Variants in CHD6 observed in about 807,000 individuals in gnomAD.
CHD6 encodes ATP-dependent chromatin remodeler CHD6.
CHD6 carries 50 observed loss-of-function variants against 276.9 expected under a neutral mutation model. The ratio of observed to expected loss-of-function variants is 0.18; its 90% CI spans 0.14 to 0.23. CHD6 has a LOEUF of 0.23. Ranked by LOEUF, CHD6 falls within the 10% of genes least tolerant of loss-of-function variation. The pLI, the probability that CHD6 is intolerant of heterozygous loss-of-function variation, is 1.00. For missense variants in CHD6, 2,564 were observed against 3,365.8 expected (o/e 0.76, Z 5.89); for synonymous variants, 1,173 against 1,229.3 (o/e 0.95, Z 0.96).
chr20:41,531,009 A>G (rs2044672126), intron 3 of CHD6, among the ~76,000 whole-genome samples: 1 of 152,182 alleles, frequency 6.6e-6, no homozygotes, highest in Admixed American at 6.5e-5. Flanking sequence ...AAGACTGTAC[A>G]TTTTCACTAG....
At chr20:41,585,507 T>C (rs1228710552) in intron 1 of CHD6, among the ~76,000 whole-genome samples, 6 of 94,944 alleles carry the variant, frequency 6.3e-5, no homozygotes, top group Non-Finnish European at 9.2e-5. Flanking sequence ...AAACTCCGTC[T>C]CACCAAAAAA....
intron 6 of CHD6, among the ~76,000 whole-genome samples, chr20:41,498,807 ATGTATG>A (rs1332724813): frequency 0.033 from 3,916 of 117,482 alleles, 62 homozygotes; most frequent in Admixed American, 0.052. Flanking sequence ...GTATGTATGT[ATGTATG>A]TGTGTGTGTG....
At position 41,457,275 on chromosome 20, in the gene CHD6, C is replaced by T. The variant is rs754593038; in HGVS notation, c.2818G>A (p.Gly940Ser). The stretch of plus-strand genomic sequence containing the variant: ...CCCATCACACTCACCCCATTGGTGC[C>T]GCCCTTTCGGTTGATGTCCTGAAGA... ...AVLQDINRKG[G>S]TNGVQQLSKM... The change falls in exon 18 of 37, where the codon GGC (glycine) becomes AGC (serine). Residue 940 changes from glycine to serine, a missense_variant. This residue lies in a region of CHD6 where 457 missense variants were observed against 889.0 expected (regional missense o/e 0.51). Transcript: ENST00000373233. 64 of 1,613,504 alleles carry T rather than the reference C, an allele frequency of 4.0e-5. No homozygotes were observed. The highest frequency in any genetic ancestry group is 2.8e-4 in the African/African-American group (21 of 74,918).
At position 41,527,581 on chromosome 20, in the gene CHD6, A is replaced by G. The variant is rs1203042927; in HGVS notation, c.554+5469T>C. ...GCTTCATACACAACTGAAATGGATC[A>G]TCTTTCCTGCTCACTCGGCTGTGCC... On this transcript the variant is annotated intron_variant, in intron 3 of 36. Transcript: ENST00000373233. 2.0e-5 allele frequency among the ~76,000 whole-genome samples: 3 copies of G among 152,322 alleles called. No individual in the cohort carries two copies. The East Asian group carries it at 5.8e-4, about 29-fold the overall frequency.
chr20:41,445,607 A>G, intron 25 of CHD6, 58 bp downstream of exon 25: 1 of 1,126,286 alleles, frequency 8.9e-7, no homozygotes, highest in East Asian at 2.4e-5. Flanking sequence ...GAGGGGCTGA[A>G]CTCATCCTTC....
At chr20:41,447,256 G>A (rs2048098179) in intron 24 of CHD6, among the ~76,000 whole-genome samples, 1 of 152,076 alleles carries the variant, frequency 6.6e-6, no homozygotes, top group South Asian at 2.1e-4. Context: ...CAGCACTCTT[G>A]GTATTCTGTA....
At chr20:41,484,317 C>G (rs1444118762) in intron 15 of CHD6, 35 bp downstream of exon 15, 1 of 1,611,312 alleles carries the variant, frequency 6.2e-7, no homozygotes, top group Non-Finnish European at 8.5e-7. Flanking sequence ...GAGGTCATGG[C>G]AGTCCTGAGT....
intron 1 of CHD6, among the ~76,000 whole-genome samples, chr20:41,569,116 TCTC>T (rs764238899): frequency 9.2e-5 from 14 of 152,092 alleles, no homozygotes; most frequent in Non-Finnish European, 1.9e-4. Context: ...TGGAAAAAGT[TCTC>T]CTTGCAAAAG....
chr20:41,434,287 C>T (rs895280957), intron 27 of CHD6, among the ~76,000 whole-genome samples: 1 of 152,030 alleles, frequency 6.6e-6, no homozygotes, highest in African/African-American at 2.4e-5. Context: ...GATAAAGTAC[C>T]CTTCAGAGCA....
intron 17 of CHD6, among the ~76,000 whole-genome samples, chr20:41,467,136 G>A (rs933126840): frequency 2.6e-5 from 4 of 152,076 alleles, no homozygotes; most frequent in South Asian, 2.1e-4. Flanking sequence ...TGGGAGAGCC[G>A]AGGCCACAAG....
intron 8 of CHD6, among the ~76,000 whole-genome samples, chr20:41,496,166 A>T (rs2043680751): frequency 6.6e-6 from 1 of 152,356 alleles, no homozygotes; most frequent in South Asian, 2.1e-4. Flanking sequence ...TTAAACAGCC[A>T]TGTCCTACTC....
intron 8 of CHD6, chr20:41,496,699 A>G (rs1451104534): frequency 6.6e-6 from 1 of 152,224 alleles, no homozygotes; most frequent in Non-Finnish European, 1.5e-5. Flanking sequence ...TCCCACAAGA[A>G]TATGAACTCT....
rs150234880 is a variant in CHD6 at position 41,452,452 on chromosome 20, G to T, written c.3323+288C>A. On this transcript the variant is annotated intron_variant, in intron 21 of 36. Coordinates refer to ENST00000373233, the MANE Select transcript of CHD6 (RefSeq NM_032221.5). The surrounding 1 kb of genome is among the most constrained non-coding windows in gnomAD (Gnocchi z 4.2). ...GTGTGGACTCCTTGTATATCCTTGC[G>T]GGGTGGGAGGAAGCAGGAAATCAGT... is the stretch of plus-strand genomic sequence containing the variant. Among the ~76,000 whole-genome samples, 1 of 152,188 alleles carries T rather than the reference G, an allele frequency of 6.6e-6. No individual in the cohort carries two copies. Among genetic ancestry groups the T allele is most frequent in the Non-Finnish European group, 1.5e-5 (1 of 68,030 alleles).
intron 1 of CHD6, chr20:41,564,284 C>A: frequency 1.8e-6 from 1 of 563,356 alleles, no homozygotes; most frequent in Non-Finnish European, 3.1e-6. Context: ...GCATATAAGA[C>A]ACAAAAAACT....
intron 28 of CHD6, 70 bp downstream of exon 28, chr20:41,426,019 TTACA>T (rs2047351875): frequency 9.2e-7 from 1 of 1,092,550 alleles, no homozygotes; most frequent in Non-Finnish European, 1.4e-6. Context: ...TACTTATTAA[TTACA>T]TATAAACTCC....
intron 1 of CHD6, among the ~76,000 whole-genome samples, chr20:41,604,999 C>G (rs1040977181): frequency 6.6e-6 from 1 of 152,148 alleles, no homozygotes; most frequent in Non-Finnish European, 1.5e-5. Flanking sequence ...TTGGGTTTTA[C>G]ATCAAGTTTC....
At chr20:41,598,623 A>G (rs1181222654) in intron 1 of CHD6, among the ~76,000 whole-genome samples, 11 of 152,130 alleles carry the variant, frequency 7.2e-5, no homozygotes, top group Non-Finnish European at 1.3e-4. Flanking sequence ...TATTCCCGGA[A>G]GTTAAAAGCC....
intron 31 of CHD6, among the ~76,000 whole-genome samples, chr20:41,418,729 T>C (rs1444984978): frequency 3.9e-5 from 6 of 152,182 alleles, no homozygotes; most frequent in African/African-American, 1.2e-4. Flanking sequence ...AAAGCAGGGC[T>C]AATCCTCTCT....
At chr20:41,587,466 C>T (rs1336151594) in intron 1 of CHD6, among the ~76,000 whole-genome samples, 1 of 152,186 alleles carries the variant, frequency 6.6e-6, no homozygotes, top group Non-Finnish European at 1.5e-5. Context: ...ATCAGCTTTC[C>T]TTTCAGTAGA....
Sources: gnomAD v4.1 joint callset for allele counts (sites outside exome capture counted in the v4.1 genomes callset) on GRCh38, gnomAD v4.1.1 for gene constraint, gnomAD v4.1.1 regional missense constraint, Gnocchi (gnomAD v3.1) non-coding constraint, MANE v1.5 for transcripts, NCBI Gene and HGNC (gene_info 2026-07-23, HGNC 2026-07-21) for gene names.